WRAP73: variants seen among roughly 807,000 people sequenced by gnomAD.
The protein encoded by WRAP73 is WD repeat containing, antisense to TP73, also known as WD repeat-containing protein WRAP73.
In WRAP73, 55 loss-of-function variants were observed where a neutral mutation model predicts 59.6. That is an observed-to-expected ratio of 0.92 (90% CI 0.74 to 1.15). The LOEUF (loss-of-function observed/expected upper bound fraction) is 1.15. Among genes scored for constraint, WRAP73 ranks in the 50% most tolerant of loss-of-function variants. The pLI is 0.00. For synonymous variants in WRAP73, 265 were observed against 258.2 expected, an observed-to-expected ratio of 1.03 and a Z score of -0.25; for missense variants, 592 against 608.1, an observed-to-expected ratio of 0.97 and a Z score of 0.28.
chr1:3,642,926 G>GT (rs1570307860), intron 3 of WRAP73, among the ~76,000 whole-genome samples: 1 of 151,792 alleles, frequency 6.6e-6, no homozygotes, highest in South Asian at 2.1e-4. Flanking sequence ...CCAAACTGCA[G>GT]TATCATTTAG....
At position 3,639,249 on chromosome 1, in the gene WRAP73, G is replaced by A. The variant is rs2101962592; in HGVS notation, c.340-427C>T. Reference sequence around the variant, plus strand: ...CCACTCCGGGACTCACCAGGGGGCTGTGAGCCTGCATCTGCAGCCCTGAGG... The same window carrying A: ...CCACTCCGGGACTCACCAGGGGGCTATGAGCCTGCATCTGCAGCCCTGAGG... On this transcript the variant is annotated intron_variant, in intron 3 of 11. Coordinates refer to ENST00000270708, the MANE Select transcript of WRAP73 (RefSeq NM_017818.4). The surrounding 1 kb of genome is among the most constrained non-coding windows in gnomAD (Gnocchi z 4.3). 1.6e-5 allele frequency: 3 copies of A among 187,174 alleles called. 1 individual carries two copies. The highest frequency in any genetic ancestry group is 3.3e-5 in the Non-Finnish European group (3 of 90,582). 11.6% of individuals were successfully genotyped at this position (187,174 alleles called of 1,614,324 possible). A position where few individuals can be genotyped will look rare whatever the true frequency, so the allele number is the denominator to read the frequency against.
intron 1 of WRAP73, among the ~76,000 whole-genome samples, chr1:3,648,953 A>G (rs893355157): frequency 6.6e-6 from 1 of 152,200 alleles, no homozygotes; most frequent in African/African-American, 2.4e-5. Flanking sequence ...TGAGAGTTAA[A>G]CTCTCAAAAG....
intron 7 of WRAP73, 28 bp downstream of exon 7, chr1:3,635,132 T>G: frequency 6.2e-7 from 1 of 1,614,156 alleles, no homozygotes; most frequent in Non-Finnish European, 8.5e-7. Flanking sequence ...GCGGTCGGAC[T>G]TCCTGAGTGC....
Position 3,639,862 on chromosome 1 carries a change from G to A in WRAP73, c.340-1040C>T, listed in dbSNP as rs1005931990. On this transcript the variant is annotated intron_variant, in intron 3 of 11. Transcript: ENST00000270708. This position sits in a 1 kb window ranked among gnomAD's most constrained non-coding sequence, Gnocchi z 4.3. ...CCGTGTGTGTCAGGCAGGGGTCCTCGCTGAGGATGAGGCCCGGGGTGGGGG... is the reference window on the plus strand; with the variant it reads ...CCGTGTGTGTCAGGCAGGGGTCCTCACTGAGGATGAGGCCCGGGGTGGGGG... Among the ~76,000 whole-genome samples the A allele has an allele frequency of 2.0e-5, 3 of 152,056 alleles. No homozygotes were observed. Among genetic ancestry groups the A allele is most frequent in the Admixed American group, 1.3e-4 (2 of 15,272 alleles).
chr1:3,636,757 C>G (rs1644592572), intron 5 of WRAP73: 3 of 569,144 alleles, frequency 5.3e-6, no homozygotes, highest in Non-Finnish European at 9.8e-6. Context: ...GAAAAGGGCT[C>G]AAATGTGACA....
intron 4 of WRAP73, 64 bp from the exon 5 acceptor site, chr1:3,637,162 T>A: frequency 1.5e-6 from 2 of 1,370,960 alleles, no homozygotes; most frequent in Non-Finnish European, 2.0e-6. Context: ...GAAACCACAG[T>A]AGTAATTCAC....
chr1:3,642,042 A>T (rs1001693488), intron 3 of WRAP73, among the ~76,000 whole-genome samples: 13 of 152,250 alleles, frequency 8.5e-5, no homozygotes, highest in African/African-American at 2.9e-4. Context: ...TCTGTTTACA[A>T]ACAGTTAAAA....
chr1:3,635,950 G>A lies in WRAP73; in HGVS notation c.597C>T (p.Cys199=), dbSNP rs1644585158. 6.2e-7 allele frequency: 1 copy of A among 1,613,876 alleles called. No homozygotes were observed. Among genetic ancestry groups the A allele is most frequent in the Non-Finnish European group, 8.5e-7 (1 of 1,179,888 alleles). ...CACCTGGTCATCTTCATACCTCCAA[G>A]CAGGTGTCCCACACTGCCAGCACAC... ...NGCVLAVWDT[C]LEYKILLYSL... Residue 199 remains cysteine, a synonymous_variant, in exon 6 of 12, where the codon TGC becomes TGT. Coordinates refer to ENST00000270708, the MANE Select transcript of WRAP73 (RefSeq NM_017818.4).
chr1:3,647,630 T>G, intron 1 of WRAP73, 70 bp from the exon 2 acceptor site: 1 of 1,538,456 alleles, frequency 6.5e-7, no homozygotes, highest in Non-Finnish European at 8.8e-7. Flanking sequence ...GGAATGCTAC[T>G]GCCCTGGCCT....
At chr1:3,647,619 C>T (rs574309359) in intron 1 of WRAP73, 59 bp from the exon 2 acceptor site, 145 of 1,575,450 alleles carry the variant, frequency 9.2e-5, no homozygotes, top group South Asian at 3.7e-4. Flanking sequence ...GGGGGGCCTT[C>T]GGAATGCTAC....
chr1:3,649,608 C>T (rs1036203976), intron 1 of WRAP73, among the ~76,000 whole-genome samples: 3 of 152,040 alleles, frequency 2.0e-5, no homozygotes, highest in Non-Finnish European at 4.4e-5. Context: ...GGTCCTGCAC[C>T]TGTCCGGCCC....
At position 3,649,949 on chromosome 1, in the gene WRAP73, G is replaced by C; in HGVS notation, c.51C>G (p.Ser17=). The C allele has an allele frequency of 6.2e-7, 1 of 1,603,660 alleles. No individual in the cohort carries two copies. Among genetic ancestry groups the C allele is most frequent in the Non-Finnish European group, 8.5e-7 (1 of 1,176,312 alleles). Residue 17 remains serine (S), a synonymous_variant, in exon 1 of 12, where the codon TCC becomes TCG. Coordinates refer to ENST00000270708, the MANE Select transcript of WRAP73 (RefSeq NM_017818.4). ...FKLSSLLCKF[S]PDGKYLASCV... is the part of the protein sequence containing the mutation. The stretch of plus-strand genomic sequence containing the variant: ...CGCTCACCAGGTACTTGCCGTCCGG[G>C]GAGAACTTGCAGAGTAAGCTGGAGA...
At chr1:3,642,724 C>T (rs1402350897) in intron 3 of WRAP73, among the ~76,000 whole-genome samples, 5 of 125,312 alleles carry the variant, frequency 4.0e-5, no homozygotes, top group South Asian at 2.7e-4. Flanking sequence ...GGGACAAGAG[C>T]GAAACTCCAT....
chr1:3,647,326 C>A, intron 2 of WRAP73, 82 bp downstream of exon 2: 3 of 1,383,982 alleles, frequency 2.2e-6, no homozygotes, highest in Non-Finnish European at 2.8e-6. Context: ...TTTTTTCAAA[C>A]TAGAAAGGCA....
chr1:3,631,273 G>A, intron 11 of WRAP73, 156 bp from the exon 12 acceptor site: 1 of 1,360,602 alleles, frequency 7.3e-7, no homozygotes, highest in East Asian at 2.4e-5. Flanking sequence ...TCAGGGAGAG[G>A]CTGCTTCTAG....
Position 3,634,765 on chromosome 1 carries a change from G to A in WRAP73, c.816+232C>T, listed in dbSNP as rs1375669287. On this transcript the variant is annotated intron_variant, in intron 8 of 11. Coordinates refer to ENST00000270708, the MANE Select transcript of WRAP73 (RefSeq NM_017818.4). ...GAGAAAACTGGACTGGGGTGGCAGC[G>A]GCAGAGGACAGGCCAGGGCAAGGCC... 3 of 560,934 alleles carry A rather than the reference G, an allele frequency of 5.3e-6. No individual in the cohort carries two copies. The African/African-American group carries it at 5.7e-5, about 11-fold the overall frequency. The allele number at this position is 560,934 out of a possible 1,614,324, so 34.7% of individuals were successfully genotyped here. A position where few individuals can be genotyped will look rare whatever the true frequency, so the allele number is the denominator to read the frequency against.
chr1:3,639,881 G>A lies in WRAP73; in HGVS notation c.340-1059C>T, dbSNP rs114814922. Among the ~76,000 whole-genome samples, 7,535 of 152,206 alleles carry A rather than the reference G, an allele frequency of 0.05. 273 individuals are homozygous for A. Among genetic ancestry groups the A allele is most frequent in the Non-Finnish European group, 0.079 (5,358 of 67,990 alleles). On this transcript the variant is annotated intron_variant, in intron 3 of 11. Coordinates refer to ENST00000270708, the MANE Select transcript of WRAP73 (RefSeq NM_017818.4). The surrounding 1 kb of genome is among the most constrained non-coding windows in gnomAD (Gnocchi z 4.3). Reference sequence around the variant, plus strand: ...GTCCTCGCTGAGGATGAGGCCCGGGGTGGGGGACCGTCTCCAGCAGCGTAA... The same window carrying A: ...GTCCTCGCTGAGGATGAGGCCCGGGATGGGGGACCGTCTCCAGCAGCGTAA...
At position 3,638,897 on chromosome 1, in the gene WRAP73, C is replaced by G. The variant is rs534891133; in HGVS notation, c.340-75G>C. Reference sequence around the variant, plus strand: ...AGAGACCGTCTCAATCCTCAACCCGCCCACGCGTCCCCAAGCACAGGCCTG... The same window carrying G: ...AGAGACCGTCTCAATCCTCAACCCGGCCACGCGTCCCCAAGCACAGGCCTG... On this transcript the variant is annotated intron_variant, in intron 3 of 11. Transcript: ENST00000270708. 7 of 1,532,424 alleles carry G rather than the reference C, an allele frequency of 4.6e-6. No individual in the cohort carries two copies. The African/African-American group carries it at 5.5e-5, about 12-fold the overall frequency. The allele number at this position is 1,532,424 out of a possible 1,614,324, so 94.9% of individuals were successfully genotyped here.
chr1:3,641,510 C>T (rs746753588), intron 3 of WRAP73, among the ~76,000 whole-genome samples: 10 of 152,350 alleles, frequency 6.6e-5, no homozygotes, highest in East Asian at 1.9e-4. Context: ...CACAGCTCCA[C>T]GCACCATGGC....
Sources: gnomAD v4.1 joint callset for allele counts (sites outside exome capture counted in the v4.1 genomes callset) on GRCh38, gnomAD v4.1.1 for gene constraint, Gnocchi (gnomAD v3.1) non-coding constraint, MANE v1.5 for transcripts, NCBI Gene and HGNC (gene_info 2026-07-23, HGNC 2026-07-21) for gene names.